Variants in SLC1A6 observed in about 807,000 individuals in gnomAD.
SLC1A6 encodes solute carrier family 1 member 6.
In SLC1A6, 15 loss-of-function variants were observed where a neutral mutation model predicts 42.1. That is an observed-to-expected ratio of 0.36 (90% CI 0.24 to 0.55). The LOEUF is 0.55. Ranked by LOEUF, SLC1A6 falls within the 20% of genes least tolerant of loss-of-function variation. SLC1A6 has a pLI of 0.88. For synonymous variants in SLC1A6, 317 were observed against 319.7 expected (o/e 0.99, Z 0.09); for missense variants, 542 against 772.5 (o/e 0.70, Z 3.54).
chr19:14,983,562 C>T (rs887469944), upstream of SLC1A6, among the ~76,000 whole-genome samples: 2 of 151,734 alleles, frequency 1.3e-5, no homozygotes, highest in Non-Finnish European at 2.9e-5. Flanking sequence ...GGGGGGCGTG[C>T]CTGTGGTCCC....
chr19:15,003,307 G>A (rs1185019371), intron 1 of SLC1A6, among the ~76,000 whole-genome samples: 1 of 152,108 alleles, frequency 6.6e-6, no homozygotes, highest in East Asian at 1.9e-4. Context: ...GACTGACCAG[G>A]GGTACAGCCA....
At chr19:14,950,943 T>C (rs2145158844) in intron 9 of SLC1A6, among the ~76,000 whole-genome samples, 1 of 97,340 alleles carries the variant, frequency 1.0e-5, no homozygotes, top group African/African-American at 4.1e-5. Context: ...AGACCCTGTC[T>C]CTCAAAAAAA....
At chr19:14,999,041 C>A (rs959844121) in intron 1 of SLC1A6, among the ~76,000 whole-genome samples, 1 of 151,990 alleles carries the variant, frequency 6.6e-6, no homozygotes, top group African/African-American at 2.4e-5. Flanking sequence ...CCACACCTGG[C>A]TAATTTTTTT....
chr19:15,007,130 A>G (rs1397917137), intron 1 of SLC1A6, among the ~76,000 whole-genome samples: 1 of 152,214 alleles, frequency 6.6e-6, no homozygotes. Flanking sequence ...CACAAGTGAA[A>G]AACAAATGTC....
chr19:14,998,799 C>T (rs1419024644), intron 1 of SLC1A6, among the ~76,000 whole-genome samples: 1 of 152,106 alleles, frequency 6.6e-6, no homozygotes, highest in Non-Finnish European at 1.5e-5. Context: ...CAGGTCTTCT[C>T]CCTGATCCAG....
intron 1 of SLC1A6, 187 bp from the exon 2 acceptor site, chr19:14,973,104 C>G (rs901805989): frequency 4.5e-5 from 26 of 580,670 alleles, no homozygotes; most frequent in Non-Finnish European, 7.9e-5. Context: ...GAATCACTTG[C>G]GCCCAGGAGT....
chr19:14,962,403 G>A, intron 5 of SLC1A6, 58 bp from the exon 6 acceptor site: 1 of 1,323,022 alleles, frequency 7.6e-7, no homozygotes, highest in Non-Finnish European at 1.1e-6. Context: ...AGAATCGCCT[G>A]GAGAAATTCC....
In SLC1A6 at chr19:14,950,256, G is replaced by A; in HGVS notation, c.1634C>T (p.Ser545Phe). 1 of 1,610,730 alleles carries A rather than the reference G, an allele frequency of 6.2e-7. No homozygotes were observed. Among genetic ancestry groups the A allele is most frequent in the Admixed American group, 1.7e-5 (1 of 59,752 alleles). Residue 545 changes from serine (S) to phenylalanine (F), a missense_variant, in exon 10 of 10, where the codon TCC (serine) becomes TTC (phenylalanine). Transcript: ENST00000594383. ...TGCCCCCTTCTCCTGTGCCATGAGG[G>A]ACTTGTAGGGTTTCCCCAGGCTGGG... ...TLPSLGKPYK[S>F]LMAQEKGASR...
chr19:14,984,998 C>T (rs1222920736), intron 1 of SLC1A6, among the ~76,000 whole-genome samples: 5 of 152,164 alleles, frequency 3.3e-5, no homozygotes, highest in African/African-American at 1.2e-4. Flanking sequence ...TCTCCTGCCT[C>T]AGCCTCCTGA....
At chr19:14,980,174 C>T (rs2145223319), upstream of SLC1A6, 1 of 152,440 alleles carries the variant, frequency 6.6e-6, no homozygotes, top group East Asian at 1.9e-4. Flanking sequence ...TGGGCCAACT[C>T]CTCTCCCTCT....
chr19:14,981,416 G>A (rs561989472), upstream of SLC1A6, among the ~76,000 whole-genome samples: 7 of 152,282 alleles, frequency 4.6e-5, no homozygotes, highest in African/African-American at 1.7e-4. Context: ...CCCAATGTAT[G>A]GCTAAGGCTG....
intron 1 of SLC1A6, among the ~76,000 whole-genome samples, chr19:14,990,793 A>AAC (rs1793458603): frequency 2.0e-5 from 3 of 148,398 alleles, no homozygotes; most frequent in African/African-American, 5.0e-5. Context: ...AAACAAAAAA[A>AAC]AAAAAAAACG....
chr19:14,972,940 G>A (rs2045661665), intron 1 of SLC1A6, 23 bp from the exon 2 acceptor site: 1 of 1,526,724 alleles, frequency 6.5e-7, no homozygotes, highest in African/African-American at 1.4e-5. Context: ...GAGAAGCCTG[G>A]GGCTGGTGAG....
intron 4 of SLC1A6, among the ~76,000 whole-genome samples, chr19:14,965,502 T>C (rs1245679821): frequency 1.3e-5 from 2 of 151,994 alleles, no homozygotes; most frequent in Non-Finnish European, 2.9e-5. Flanking sequence ...AACTGATGAG[T>C]GCATAAAGAA....
chr19:14,951,078 C>CAAAAAAAAAA (rs59828742), intron 9 of SLC1A6, among the ~76,000 whole-genome samples: 89 of 79,166 alleles, frequency 1.1e-3, no homozygotes, highest in Non-Finnish European at 1.4e-3. Context: ...ACTAAAAATA[C>CAAAAAAAAAA]AAAAAAAAAA....
intron 4 of SLC1A6, among the ~76,000 whole-genome samples, chr19:14,967,179 T>C (rs1290513325): frequency 1.3e-5 from 2 of 152,192 alleles, no homozygotes. Context: ...TAGCAGCAGC[T>C]GCTGTTGGAG....
Position 14,972,929 on chromosome 19 carries a change from A to G in SLC1A6, c.-7-12T>C. 1.3e-6 allele frequency: 2 copies of G among 1,550,624 alleles called. No homozygotes were observed. Among genetic ancestry groups the G allele is most frequent in the East Asian group, 2.4e-5 (1 of 42,376 alleles). ...TGCTCATGGTCTATCTGCGGGAAAC[A>G]GAGAAGCCTGGGGCTGGTGAGGGCC... is the stretch of plus-strand genomic sequence containing the variant. On this transcript the variant is annotated splice_polypyrimidine_tract_variant and intron_variant, in intron 1 of 9. Coordinates refer to ENST00000594383, the MANE Select transcript of SLC1A6 (RefSeq NM_005071.3).
intron 1 of SLC1A6, among the ~76,000 whole-genome samples, chr19:14,995,274 G>C (rs538991424): frequency 2.3e-5 from 3 of 131,682 alleles, no homozygotes; most frequent in African/African-American, 8.6e-5. Flanking sequence ...GCAGTGAGCC[G>C]AGATCATACC....
chr19:14,975,750 CAA>C lies in SLC1A6; in HGVS notation c.-7-2835_-7-2834del, dbSNP rs373107410. On this transcript the variant is annotated intron_variant, in intron 1 of 9. Coordinates refer to ENST00000594383, the MANE Select transcript of SLC1A6 (RefSeq NM_005071.3). ...CCTGGGTGACAAAGCCAGACTTTGT[CAA>C]AAAAAAAAAAAAAGGAAAAAAAAAA... Among the ~76,000 whole-genome samples, 325 of 111,358 alleles carry C rather than the reference CAA, an allele frequency of 2.9e-3. 15 individuals carry two copies. Among genetic ancestry groups the C allele is most frequent in the African/African-American group, 6.4e-3 (191 of 29,890 alleles). The allele number at this position is 111,358 out of a possible 152,430, so 73.1% of individuals were successfully genotyped here.
Sources: allele counts gnomAD v4.1 joint callset (sites outside exome capture counted in the v4.1 genomes callset), GRCh38; gene constraint gnomAD v4.1.1; transcripts MANE v1.5; gene names NCBI Gene and HGNC (gene_info 2026-07-23, HGNC 2026-07-21).